The following UNC13B variants were observed in gnomAD, a reference collection of about 807,000 sequenced individuals.
The protein encoded by UNC13B is protein unc-13 homolog B.
Under a neutral mutation model 211.0 loss-of-function variants are expected in UNC13B, and 144 were observed. That is an observed-to-expected ratio of 0.68 (90% CI 0.60 to 0.78). The LOEUF is 0.78. Among genes scored for constraint, UNC13B ranks in the 30% least tolerant of loss-of-function variants. The pLI is 0.00. For missense variants in UNC13B, 1,777 were observed against 2,002.0 expected (o/e 0.89, Z 2.14); for synonymous variants, 709 against 725.8 (o/e 0.98, Z 0.37).
At chr9:35,403,414 C>T in intron 38 of UNC13B, 26 bp from the exon 39 acceptor site, 2 of 1,612,154 alleles carry the variant, frequency 1.2e-6, no homozygotes, top group Non-Finnish European at 1.7e-6. Context: ...GGTGGGATCC[C>T]TCACAGGTTT....
intron 11 of UNC13B, chr9:35,361,550 G>T (rs1833412921): frequency 6.6e-6 from 1 of 152,094 alleles, no homozygotes; most frequent in African/African-American, 2.4e-5. Flanking sequence ...TTACTACATA[G>T]AAATGATAGG....
rs374433197 is a variant in UNC13B, at chr9:35,185,220, A to G, written c.22+22915A>G. ...GGACAGTGAGGAGGAAGTCCTGGCT[A>G]CAAATCACCCTTTTAGAGAAACTTC... On this transcript the variant is annotated intron_variant, in intron 1 of 39. Coordinates refer to ENST00000635942, the MANE Select transcript of UNC13B (RefSeq NM_001371189.2). 7.7e-4 allele frequency among the ~76,000 whole-genome samples: 117 copies of G among 152,352 alleles called. 2 individuals carry two copies. The South Asian group carries it at 0.019, about 25-fold the overall frequency.
In UNC13B at chr9:35,308,139, C is replaced by T. The variant is rs1006176106; in HGVS notation, c.8735C>T (p.Pro2912Leu). Residue 2912 changes from proline to leucine, a missense_variant, in exon 9 of 40, where the codon CCA becomes CTA. Coordinates refer to ENST00000635942, the MANE Select transcript of UNC13B (RefSeq NM_001371189.2). ...SGTSEQLVAS[P>L]EVCAQGLSGS... The stretch of plus-strand genomic sequence containing the variant: ...ACCTCTGAGCAGCTGGTGGCCAGTC[C>T]AGAGGTCTGTGCTCAGGGGCTTTCA... The T allele has an allele frequency of 1.0e-5, 4 of 399,080 alleles. No individual in the cohort carries two copies. The highest frequency in any genetic ancestry group is 4.1e-5 in the African/African-American group (2 of 48,618). The allele number at this position is 399,080 out of a possible 1,614,324, so 24.7% of individuals were successfully genotyped here. A position where few individuals can be genotyped will look rare whatever the true frequency, so the allele number is the denominator to read the frequency against.
intron 1 of UNC13B, among the ~76,000 whole-genome samples, chr9:35,172,182 T>G (rs1313847288): frequency 6.7e-6 from 1 of 149,402 alleles, no homozygotes; most frequent in African/African-American, 2.4e-5. Context: ...GCCCCTTTGT[T>G]TTTTTTTTTT....
At chr9:35,192,326 C>G (rs1822701816) in intron 1 of UNC13B, among the ~76,000 whole-genome samples, 1 of 152,178 alleles carries the variant, frequency 6.6e-6, no homozygotes, top group Non-Finnish European at 1.5e-5. Flanking sequence ...TCTTGATCTT[C>G]TCTATTTTCT....
intron 37 of UNC13B, among the ~76,000 whole-genome samples, chr9:35,402,299 T>TG (rs1836365878): frequency 1.3e-5 from 2 of 150,364 alleles, no homozygotes; most frequent in African/African-American, 4.9e-5. Context: ...TTTTTTTTTT[T>TG]GAGACGGAGT....
At chr9:35,197,729 CTTG>C (rs147534833) in intron 1 of UNC13B, among the ~76,000 whole-genome samples, 2,541 of 151,910 alleles carry the variant, frequency 0.017, 55 homozygotes, top group African/African-American at 0.059. Context: ...CTCATGAGAT[CTTG>C]TTGTTTAAAT....
chr9:35,259,099 C>G, intron 7 of UNC13B, 49 bp downstream of exon 7: 2 of 1,589,004 alleles, frequency 1.3e-6, no homozygotes, highest in South Asian at 1.1e-5. Flanking sequence ...AGCTTTCTGT[C>G]GCTTCTCTGA....
chr9:35,323,261 A>G (rs1399064716), intron 11 of UNC13B, among the ~76,000 whole-genome samples: 4 of 152,080 alleles, frequency 2.6e-5, no homozygotes, highest in Non-Finnish European at 4.4e-5. Context: ...TTCATACTCT[A>G]TTAACAGCTG....
chr9:35,206,045 A>G (rs1163358251), intron 1 of UNC13B, among the ~76,000 whole-genome samples: 1 of 152,074 alleles, frequency 6.6e-6, no homozygotes, highest in African/African-American at 2.4e-5. Context: ...TTAGCTGGGC[A>G]TAGTGGCACA....
At chr9:35,375,953 C>G in intron 14 of UNC13B, 75 bp from the exon 15 acceptor site, 2 of 1,485,718 alleles carry the variant, frequency 1.3e-6, no homozygotes, top group Admixed American at 1.7e-5. Flanking sequence ...GCACTCCAGC[C>G]TGGGCAACAG....
intron 32 of UNC13B, 25 bp from the exon 33 acceptor site, chr9:35,398,857 G>A (rs754798337): frequency 6.2e-7 from 1 of 1,606,212 alleles, no homozygotes; most frequent in Admixed American, 1.7e-5. Context: ...GGGAGGGAAA[G>A]GCTACACTGC....
At chr9:35,323,755 A>G (rs1830861673) in intron 11 of UNC13B, among the ~76,000 whole-genome samples, 1 of 152,172 alleles carries the variant, frequency 6.6e-6, no homozygotes, top group African/African-American at 2.4e-5. Context: ...TTACTGGGTC[A>G]GAAGTGAGGT....
At position 35,370,355 on chromosome 9, in the gene UNC13B, G is replaced by A; in HGVS notation, c.9499G>A (p.Asp3167Asn). The A allele has an allele frequency of 6.2e-7, 1 of 1,614,002 alleles. No homozygotes were observed. The highest frequency in any genetic ancestry group is 1.1e-5 in the South Asian group (1 of 91,082). The change falls in exon 13 of 40, where the codon GAT (aspartate) becomes AAT (asparagine). Residue 3167 changes from aspartate to asparagine, a missense_variant. Transcript: ENST00000635942. ...GCTCTATGGCATTGACAGCATGCCA[G>A]ATTTACGCAGAAAGAAGCCACTGCC... ...GGLYGIDSMPDLRRKKPLPLV... is the reference protein window; with the variant it reads ...GGLYGIDSMPNLRRKKPLPLV...
intron 7 of UNC13B, among the ~76,000 whole-genome samples, chr9:35,292,465 A>G (rs1337766349): frequency 6.6e-6 from 1 of 152,182 alleles, no homozygotes; most frequent in Admixed American, 6.5e-5. Flanking sequence ...TCCAAATTCT[A>G]GAAGATATTT....
At chr9:35,378,219 G>C (rs1834570650) in intron 16 of UNC13B, 76 bp from the exon 17 acceptor site, 1 of 1,584,458 alleles carries the variant, frequency 6.3e-7, no homozygotes. Context: ...ACTGCTCTAA[G>C]ATGGAAAGCA....
chr9:35,351,809 G>T, intron 11 of UNC13B: 1 of 1,232,278 alleles, frequency 8.1e-7, no homozygotes, highest in Non-Finnish European at 1.0e-6. Context: ...CTATGTTTCA[G>T]GGTCTGGTTC....
At chr9:35,361,712 T>C (rs1389429182) in intron 11 of UNC13B, 2 of 152,198 alleles carry the variant, frequency 1.3e-5, no homozygotes, top group African/African-American at 2.4e-5. Flanking sequence ...CAACATACTG[T>C]CTTAGAAGTG....
At chr9:35,178,532 C>T (rs913813089) in intron 1 of UNC13B, among the ~76,000 whole-genome samples, 1 of 151,462 alleles carries the variant, frequency 6.6e-6, no homozygotes, top group African/African-American at 2.4e-5. Flanking sequence ...CACATACACA[C>T]ACACATACAA....
Sources: gnomAD v4.1 joint callset for allele counts (sites outside exome capture counted in the v4.1 genomes callset) on GRCh38, gnomAD v4.1.1 for gene constraint, MANE v1.5 for transcripts, NCBI Gene and HGNC (gene_info 2026-07-23, HGNC 2026-07-21) for gene names.